Variants in GRIN2D observed in about 807,000 individuals in gnomAD.
The protein encoded by GRIN2D is glutamate ionotropic receptor NMDA type subunit 2D, also known as glutamate receptor ionotropic, NMDA 2D.
Under a neutral mutation model 103.2 loss-of-function variants are expected in GRIN2D, and 37 were observed. The ratio of observed to expected loss-of-function variants is 0.36; its 90% CI spans 0.28 to 0.47. GRIN2D has a LOEUF of 0.47. Ranked by LOEUF, GRIN2D falls within the 20% of genes least tolerant of loss-of-function variation. GRIN2D has a pLI of 1.00. For missense variants in GRIN2D, 1,557 were observed against 1,910.6 expected, an observed-to-expected ratio of 0.81 and a Z score of 3.45; for synonymous variants, 845 against 885.6, an observed-to-expected ratio of 0.95 and a Z score of 0.81.
At position 48,398,675 on chromosome 19, in the gene GRIN2D, G is replaced by A; in HGVS notation, c.283G>A (p.Asp95Asn). The A allele has an allele frequency of 6.9e-7, 1 of 1,457,382 alleles. No homozygotes were observed. 90.3% of individuals were successfully genotyped at this position (1,457,382 alleles called of 1,614,324 possible). The stretch of plus-strand genomic sequence containing the variant: ...CGTGGCGCTGGTGCTCAACGGCTCG[G>A]ACCCGCGCAGCCTCGTGCTGCAGCT... The part of the protein sequence containing the change: ...RPVALVLNGS[D>N]PRSLVLQLCD... The change falls in exon 3 of 14, where the codon GAC becomes AAC. Residue 95 changes from aspartate (D) to asparagine (N), a missense_variant. Asp to Asn is a conservative substitution (Grantham distance 23). Around this residue, in one of 7 missense-constraint regions of GRIN2D, gnomAD observed 490 missense variants for 601.1 expected, o/e 0.82. Transcript: ENST00000263269.
rs188052023 is a variant in GRIN2D at position 48,444,875 on chromosome 19, C to T, written c.*938C>T. The T allele has an allele frequency of 6.6e-6, 1 of 152,452 alleles. No individual in the cohort carries two copies. The highest frequency in any genetic ancestry group is 1.9e-4 in the East Asian group (1 of 5,196). 9.4% of individuals were successfully genotyped at this position (152,452 alleles called of 1,614,324 possible). A position where few individuals can be genotyped will look rare whatever the true frequency, so the allele number is the denominator to read the frequency against. ...ACACTTCTCCACCAACTTCCCTTCC[C>T]ACTCTCTTATTCCACATTGCAGTGT... is the stretch of plus-strand genomic sequence containing the variant. On this transcript the variant is annotated 3_prime_UTR_variant, in exon 14 of 14. Coordinates refer to ENST00000263269, the MANE Select transcript of GRIN2D (RefSeq NM_000836.4). This position sits in a 1 kb window ranked among gnomAD's most constrained non-coding sequence, Gnocchi z 5.5.
At chr19:48,433,442 G>A (rs779778440) in intron 11 of GRIN2D, among the ~76,000 whole-genome samples, 59 of 152,202 alleles carry the variant, frequency 3.9e-4, no homozygotes, top group Non-Finnish European at 5.7e-4. Context: ...GCTAGTGGTT[G>A]CCATAGAGGA....
Position 48,443,570 on chromosome 19 carries a change from CCGCCGGGCCCCTGCCCCGA to C in GRIN2D, c.3655_3673del (p.Leu1219AlafsTer293), listed in dbSNP as rs1971336302. 4.1e-6 allele frequency: 5 copies of C among 1,224,554 alleles called. No homozygotes were observed. The highest frequency in any genetic ancestry group is 3.1e-6 in the Non-Finnish European group (3 of 983,012). The allele number at this position is 1,224,554 out of a possible 1,614,324, so 75.9% of individuals were successfully genotyped here. ...TGGGCGCCACCGCCTCCACCCTGGGCCGCCGGGCCCCTGCCCCGACGCCGGGCCCGCTGCGGGTGCCCGC... is the reference window on the plus strand; with the variant it reads ...TGGGCGCCACCGCCTCCACCCTGGGCCGCCGGGCCCGCTGCGGGTGCCCGC... On this transcript the variant is annotated frameshift_variant, in exon 14 of 14. Transcript: ENST00000263269. LOFTEE classifies it high-confidence loss of function. This position sits in a 1 kb window ranked among gnomAD's most constrained non-coding sequence, Gnocchi z 8.9.
intron 10 of GRIN2D, among the ~76,000 whole-genome samples, chr19:48,420,404 C>G (rs1157773697): frequency 2.0e-5 from 3 of 151,638 alleles, no homozygotes; most frequent in Admixed American, 2.0e-4. Context: ...CTCCAGCCAG[C>G]GCGACAGAGT....
chr19:48,430,275 C>T (rs1377568278), intron 11 of GRIN2D, among the ~76,000 whole-genome samples: 2 of 152,182 alleles, frequency 1.3e-5, no homozygotes, highest in Admixed American at 1.3e-4. Flanking sequence ...TCTTGGCTCA[C>T]TGCAATCTGT....
intron 3 of GRIN2D, among the ~76,000 whole-genome samples, chr19:48,400,685 A>G (rs1476289757): frequency 2.6e-5 from 4 of 152,152 alleles, no homozygotes; most frequent in Admixed American, 2.6e-4. Flanking sequence ...TCACAGCTCC[A>G]TCTGTGCCCC....
At chr19:48,440,029 T>C (rs917741051) in intron 11 of GRIN2D, among the ~76,000 whole-genome samples, 10 of 152,184 alleles carry the variant, frequency 6.6e-5, no homozygotes, top group African/African-American at 2.2e-4. Context: ...CTGGCCAACA[T>C]GGTGAAACCC....
At chr19:48,408,606 G>T (rs1569061546) in intron 4 of GRIN2D, among the ~76,000 whole-genome samples, 2 of 151,972 alleles carry the variant, frequency 1.3e-5, no homozygotes, top group Admixed American at 6.6e-5. Flanking sequence ...ATCACTTGAG[G>T]TCAGGAGTTC....
At position 48,405,169 on chromosome 19, in the gene GRIN2D, C is replaced by A; in HGVS notation, c.901C>A (p.Pro301Thr). The A allele has an allele frequency of 1.3e-6, 2 of 1,588,838 alleles. No individual in the cohort carries two copies. Among genetic ancestry groups the A allele is most frequent in the Non-Finnish European group, 1.7e-6 (2 of 1,169,786 alleles). ...PPLLPGGAPL[P>T]AGLFAVRSAG... ...TCTTCTGCCAGGAGGCGCCCCCCTG[C>A]CTGCCGGGCTGTTTGCAGTGCGCTC... The change falls in exon 4 of 14, where the codon CCT becomes ACT. Residue 301 changes from proline (P) to threonine (T), a missense_variant. Pro to Thr is a conservative substitution (Grantham distance 38). Around this residue, in one of 7 missense-constraint regions of GRIN2D, gnomAD observed 490 missense variants for 601.1 expected, o/e 0.82. Transcript: ENST00000263269. The surrounding 1 kb of genome is among the most constrained non-coding windows in gnomAD (Gnocchi z 5.1).
chr19:48,429,977 G>T (rs1341243283), intron 11 of GRIN2D, among the ~76,000 whole-genome samples: 2 of 152,074 alleles, frequency 1.3e-5, no homozygotes, highest in Non-Finnish European at 2.9e-5. Flanking sequence ...TAAATACCAT[G>T]TTTGCATGAC....
chr19:48,414,551 T>C lies in GRIN2D; in HGVS notation c.1379T>C (p.Val460Ala). ...PISGTCIRDS[V>A]PCRSQLNRTH... ...AGCGGCACCTGCATCCGAGACTCCG[T>C]CCCCTGCCGGAGCCAGCTCAACCGA... Residue 460 changes from valine (V) to alanine (A), a missense_variant, in exon 6 of 14, where the codon GTC becomes GCC. This residue lies in a region of GRIN2D where 197 missense variants were observed against 334.1 expected (regional missense o/e 0.59). Transcript: ENST00000263269. The surrounding 1 kb of genome is among the most constrained non-coding windows in gnomAD (Gnocchi z 4.6). The C allele has an allele frequency of 6.4e-7, 1 of 1,553,616 alleles. No individual in the cohort carries two copies. Among genetic ancestry groups the C allele is most frequent in the Non-Finnish European group, 8.7e-7 (1 of 1,149,092 alleles).
At chr19:48,400,858 G>C (rs904379516) in intron 3 of GRIN2D, among the ~76,000 whole-genome samples, 4 of 152,128 alleles carry the variant, frequency 2.6e-5, no homozygotes, top group African/African-American at 4.8e-5. Flanking sequence ...CTGAGGCCAG[G>C]AGTTTGAGGC....
intron 3 of GRIN2D, among the ~76,000 whole-genome samples, chr19:48,402,797 AG>A (rs1970734795): frequency 6.9e-6 from 1 of 144,840 alleles, no homozygotes; most frequent in African/African-American, 2.6e-5. Context: ...AGAGAGAGAG[AG>A]AGAGAGAATA....
In GRIN2D at chr19:48,424,060, C is replaced by T. The variant is rs1176290011; in HGVS notation, c.2252+2115C>T. Among the ~76,000 whole-genome samples the T allele has an allele frequency of 2.6e-5, 4 of 152,046 alleles. No homozygotes were observed. In the East Asian group the frequency reaches 7.8e-4, roughly 30 times the overall value. On this transcript the variant is annotated intron_variant, in intron 11 of 13. Transcript: ENST00000263269. Reference sequence around the variant, plus strand: ...TCTTGAACTCCTGACATGAGGTGATCTGCCTGCCTCAGCCTCCCAAAGTGC... The same window carrying T: ...TCTTGAACTCCTGACATGAGGTGATTTGCCTGCCTCAGCCTCCCAAAGTGC...
intron 11 of GRIN2D, among the ~76,000 whole-genome samples, chr19:48,436,844 G>A (rs372796435): frequency 2.0e-5 from 3 of 151,814 alleles, no homozygotes. Context: ...GCCAGAGTGA[G>A]GGGGGGCTTG....
rs2147450560 is a variant in GRIN2D at position 48,414,018 on chromosome 19, C to A, written c.1113C>A (p.Asn371Lys). Residue 371 changes from asparagine (N) to lysine (K), a missense_variant, in exon 5 of 14, where the codon AAC becomes AAA. Physicochemically the swap from Asn to Lys is moderately conservative, Grantham distance 94. This residue lies in a region of GRIN2D where 490 missense variants were observed against 601.1 expected (regional missense o/e 0.82). Transcript: ENST00000263269. This position sits in a 1 kb window ranked among gnomAD's most constrained non-coding sequence, Gnocchi z 4.6. ...HRYFMNITWD[N>K]RDYSFNEDGF... is the part of the protein sequence containing the mutation. ...ACTTCATGAACATCACGTGGGATAA[C>A]CGGGATTACTCCTTCAATGAGGACG... 4.3e-6 allele frequency: 7 copies of A among 1,610,872 alleles called. No individual in the cohort carries two copies. The highest frequency in any genetic ancestry group is 5.9e-6 in the Non-Finnish European group (7 of 1,177,064).
intron 4 of GRIN2D, among the ~76,000 whole-genome samples, chr19:48,410,234 G>A (rs1283408676): frequency 6.6e-6 from 1 of 150,390 alleles, no homozygotes; most frequent in Non-Finnish European, 1.5e-5. Flanking sequence ...ACAGAATTAG[G>A]AGTCAGAGTG....
chr19:48,414,166 AG>A lies in GRIN2D; in HGVS notation c.1200+68del. The stretch of plus-strand genomic sequence containing the variant: ...GGTGTGGACTCCTGCATCCTGGCAG[AG>A]GGGGGGCTTGAGGTCGTGGACTAAG... On this transcript the variant is annotated intron_variant, in intron 5 of 13. Coordinates refer to ENST00000263269, the MANE Select transcript of GRIN2D (RefSeq NM_000836.4). This position sits in a 1 kb window ranked among gnomAD's most constrained non-coding sequence, Gnocchi z 4.6. The A allele has an allele frequency of 6.4e-6, 7 of 1,089,266 alleles. No individual in the cohort carries two copies. The highest frequency in any genetic ancestry group is 1.8e-5 in the Admixed American group (1 of 54,264). The allele number at this position is 1,089,266 out of a possible 1,614,324, so 67.5% of individuals were successfully genotyped here.
intron 4 of GRIN2D, among the ~76,000 whole-genome samples, chr19:48,409,541 T>C (rs1046330053): frequency 2.0e-5 from 3 of 151,690 alleles, no homozygotes; most frequent in Non-Finnish European, 4.4e-5. Context: ...CCTCCCAAAG[T>C]GTTGGGATTA....
Sources: allele counts gnomAD v4.1 joint callset (sites outside exome capture counted in the v4.1 genomes callset), GRCh38; gene constraint gnomAD v4.1.1; regional missense constraint gnomAD v4.1.1; non-coding constraint Gnocchi (gnomAD v3.1); transcripts MANE v1.5; gene names NCBI Gene and HGNC (gene_info 2026-07-23, HGNC 2026-07-21).